LRRC17: variants seen among roughly 807,000 people sequenced by gnomAD.
LRRC17 encodes leucine rich repeat containing 17, also known as leucine-rich repeat-containing protein 17.
Under a neutral mutation model 41.5 loss-of-function variants are expected in LRRC17, and 33 were observed. The observed-to-expected ratio is 0.80, with a 90% CI of 0.60 to 1.06. The LOEUF (loss-of-function observed/expected upper bound fraction) is 1.06. LRRC17 is among the 50% of genes least tolerant of loss of function. The pLI is 0.00. For missense variants in LRRC17, 491 were observed against 519.3 expected, an observed-to-expected ratio of 0.95 and a Z score of 0.53; for synonymous variants, 192 against 197.0, an observed-to-expected ratio of 0.97 and a Z score of 0.21.
At chr7:102,927,813 T>G (rs992015821) in intron 1 of LRRC17, among the ~76,000 whole-genome samples, 2 of 152,220 alleles carry the variant, frequency 1.3e-5, no homozygotes, top group Non-Finnish European at 2.9e-5. Flanking sequence ...TGTGTACAAT[T>G]TTTCCAAAAA....
intron 1 of LRRC17, among the ~76,000 whole-genome samples, chr7:102,927,457 A>G (rs1057206578): frequency 2.0e-5 from 3 of 152,200 alleles, no homozygotes; most frequent in East Asian, 1.9e-4. Flanking sequence ...CTTATTTTCA[A>G]CAGGATCATT....
At chr7:102,915,731 A>T (rs994965120) in intron 1 of LRRC17, among the ~76,000 whole-genome samples, 4 of 110,828 alleles carry the variant, frequency 3.6e-5, no homozygotes, top group Non-Finnish European at 3.4e-5. Flanking sequence ...ATTACCAAAT[A>T]AAAAAACATT....
At chr7:102,929,109 G>T (rs1818662649) in intron 1 of LRRC17, among the ~76,000 whole-genome samples, 1 of 152,172 alleles carries the variant, frequency 6.6e-6, no homozygotes, top group Non-Finnish European at 1.5e-5. Flanking sequence ...GACTCTGTGT[G>T]TTGAGGTAAG....
At chr7:102,914,380 C>G (rs1267699756) in intron 1 of LRRC17, among the ~76,000 whole-genome samples, 1 of 152,186 alleles carries the variant, frequency 6.6e-6, no homozygotes, top group Non-Finnish European at 1.5e-5. Context: ...AAGCCTGGCA[C>G]TTTTTAAGAG....
Position 102,934,538 on chromosome 7 carries a change from G to T in LRRC17, c.625G>T (p.Glu209Ter). Residue 209 changes from glutamate (E) to a stop codon, truncating the protein, a stop_gained, in exon 2 of 4, where the codon GAA becomes TAA. Transcript: ENST00000339431. LOFTEE classifies it high-confidence loss of function. ...KNKKLRQIKS[E>*]QLCNEEEKEQ... ...TAAAAAACTGCGGCAGATAAAATCTGAACAGTTGTGTAATGAAGAAGAAAA... is the reference window on the plus strand; with the variant it reads ...TAAAAAACTGCGGCAGATAAAATCTTAACAGTTGTGTAATGAAGAAGAAAA... The T allele has an allele frequency of 6.4e-7, 1 of 1,557,610 alleles. No individual in the cohort carries two copies. The highest frequency in any genetic ancestry group is 1.1e-5 in the South Asian group (1 of 89,416).
chr7:102,928,364 T>C (rs1818523877), intron 1 of LRRC17, among the ~76,000 whole-genome samples: 1 of 152,218 alleles, frequency 6.6e-6, no homozygotes, highest in Non-Finnish European at 1.5e-5. Context: ...TTGTCCACAA[T>C]GTACTCAAAT....
chr7:102,931,738 A>G (rs919381574), intron 1 of LRRC17: 22 of 674,534 alleles, frequency 3.3e-5, no homozygotes, highest in Non-Finnish European at 4.7e-5. Flanking sequence ...ATGGAGTAAA[A>G]TTTCTTGTCA....
intron 1 of LRRC17, among the ~76,000 whole-genome samples, chr7:102,919,023 G>C (rs141841606): frequency 1.1e-3 from 170 of 152,300 alleles, no homozygotes; most frequent in Middle Eastern, 6.8e-3. Flanking sequence ...AACAGTGTTA[G>C]AGAAACCTCA....
In LRRC17 at chr7:102,944,754, A is replaced by T; in HGVS notation, c.*147A>T. On this transcript the variant is annotated 3_prime_UTR_variant, in exon 4 of 4. Transcript: ENST00000339431. ...TTCTTTAATTATAAGTATTATTGTG[A>T]CTATTATAGTAATCAAGAGAATGCT... 1.5e-6 allele frequency: 1 copy of T among 679,990 alleles called. No homozygotes were observed. Among genetic ancestry groups the T allele is most frequent in the Non-Finnish European group, 2.3e-6 (1 of 425,906 alleles). 42.1% of individuals were successfully genotyped at this position (679,990 alleles called of 1,614,324 possible).
At chr7:102,921,724 T>A (rs1036337564) in intron 1 of LRRC17, among the ~76,000 whole-genome samples, 19 of 152,184 alleles carry the variant, frequency 1.2e-4, no homozygotes, top group Admixed American at 1.2e-3. Flanking sequence ...GTTTTAAGCA[T>A]CCACGGATGA....
Position 102,939,442 on chromosome 7 carries a change from T to G in LRRC17, c.785T>G (p.Val262Gly). 6.2e-7 allele frequency: 1 copy of G among 1,605,116 alleles called. No homozygotes were observed. Among genetic ancestry groups the G allele is most frequent in the South Asian group, 1.1e-5 (1 of 89,694 alleles). Residue 262 changes from valine (V) to glycine (G), a missense_variant, in exon 3 of 4, where the codon GTG becomes GGG. Physicochemically the swap from Val to Gly is moderately radical, Grantham distance 109. Coordinates refer to ENST00000339431, the MANE Select transcript of LRRC17 (RefSeq NM_001031692.3). The part of the protein sequence containing the change: ...LDCKRKELKK[V>G]PNNIPPDIVK... ...TTAAATTTTCCAGAGTTGAAAAAAG[T>G]GCCAAACAACATCCCTCCAGATATT...
intron 2 of LRRC17, among the ~76,000 whole-genome samples, chr7:102,937,931 T>TG (rs1820648946): frequency 6.6e-6 from 1 of 152,198 alleles, no homozygotes; most frequent in Admixed American, 6.5e-5. Context: ...CCAGCTGACT[T>TG]GCAATGAGTC....
chr7:102,941,258 T>A (rs1821362735), intron 3 of LRRC17, among the ~76,000 whole-genome samples: 1 of 152,122 alleles, frequency 6.6e-6, no homozygotes, highest in East Asian at 1.9e-4. Context: ...TAGCATTACA[T>A]TAGTGTGCAA....
intron 1 of LRRC17, chr7:102,931,755 A>T: frequency 1.3e-6 from 1 of 781,318 alleles, no homozygotes; most frequent in Non-Finnish European, 2.1e-6. Flanking sequence ...GTCAATGTTT[A>T]ACATAGTTTG....
chr7:102,916,236 C>A (rs1261591999), intron 1 of LRRC17, among the ~76,000 whole-genome samples: 1 of 152,182 alleles, frequency 6.6e-6, no homozygotes, highest in Non-Finnish European at 1.5e-5. Flanking sequence ...ATCCGCCCAC[C>A]TCGGCCTCCC....
Position 102,944,447 on chromosome 7 carries a change from T to C in LRRC17, c.1166T>C (p.Val389Ala), listed in dbSNP as rs368512037. 2.5e-6 allele frequency: 4 copies of C among 1,613,996 alleles called. No individual in the cohort carries two copies. The highest frequency in any genetic ancestry group is 2.2e-5 in the East Asian group (1 of 44,862). Residue 389 changes from valine to alanine, a missense_variant, in exon 4 of 4, where the codon GTG becomes GCG. Physicochemically the swap from Val to Ala is moderately conservative, Grantham distance 64 (BLOSUM62 0). Transcript: ENST00000339431. ...CCTGAAGAATACAAAGGATGGTCTGTGGGAAAATATATTAGAAGTTACTAT... is the reference window on the plus strand; with the variant it reads ...CCTGAAGAATACAAAGGATGGTCTGCGGGAAAATATATTAGAAGTTACTAT... Reference protein sequence around the residue: ...KTPEEYKGWSVGKYIRSYYEE... With the variant: ...KTPEEYKGWSAGKYIRSYYEE...
intron 1 of LRRC17, chr7:102,932,050 G>A (rs1819284540): frequency 1.1e-6 from 1 of 923,986 alleles, no homozygotes; most frequent in African/African-American, 1.7e-5. Context: ...ACCTTGGCAA[G>A]TAACATGTTC....
intron 1 of LRRC17, among the ~76,000 whole-genome samples, chr7:102,918,068 A>C (rs1290495842): frequency 6.6e-6 from 1 of 152,240 alleles, no homozygotes; most frequent in African/African-American, 2.4e-5. Flanking sequence ...TTTGGAAAGA[A>C]ATACTAAAAG....
intron 1 of LRRC17, among the ~76,000 whole-genome samples, chr7:102,927,335 G>C (rs1355160736): frequency 6.6e-6 from 1 of 152,146 alleles, no homozygotes; most frequent in African/African-American, 2.4e-5. Context: ...ACCACTGCAG[G>C]TATCTATCTG....
Sources: allele counts gnomAD v4.1 joint callset (sites outside exome capture counted in the v4.1 genomes callset), GRCh38; gene constraint gnomAD v4.1.1; transcripts MANE v1.5; gene names NCBI Gene and HGNC (gene_info 2026-07-23, HGNC 2026-07-21).